ENPEP: variants seen among roughly 807,000 people sequenced by gnomAD.
The protein encoded by ENPEP is glutamyl aminopeptidase, also known as AP-A.
A neutral mutation model predicts 114.5 loss-of-function variants in ENPEP; 103 were observed. That is an observed-to-expected ratio of 0.90 (90% CI 0.77 to 1.06). The LOEUF (loss-of-function observed/expected upper bound fraction) is 1.06. Ranked by LOEUF, ENPEP falls within the 50% of genes least tolerant of loss-of-function variation. ENPEP has a pLI of 0.00. For synonymous variants in ENPEP, 420 were observed against 422.0 expected (o/e 1.00, Z 0.06); for missense variants, 1,196 against 1,161.3 (o/e 1.03, Z -0.43).
In ENPEP at chr4:110,553,377, G is replaced by A. The variant is rs1437266122; in HGVS notation, c.2564G>A (p.Arg855Gln). The A allele has an allele frequency of 7.4e-6, 12 of 1,611,296 alleles. No homozygotes were observed. The highest frequency in any genetic ancestry group is 5.0e-5 in the Admixed American group (3 of 59,942). ...IKTQDVFTVI[R>Q]YISYNSYGKN... is the part of the protein sequence containing the mutation. ...ACTCAGGATGTGTTTACAGTCATTC[G>A]ATATATCTCATATAACAGCTATGGG... Residue 855 changes from arginine (R) to glutamine (Q), a missense_variant, in exon 18 of 20, where the codon CGA becomes CAA. Arg to Gln is a conservative substitution (Grantham distance 43). Transcript: ENST00000265162.
At chr4:110,547,362 A>G (rs933967712) in intron 13 of ENPEP, among the ~76,000 whole-genome samples, 1 of 152,106 alleles carries the variant, frequency 6.6e-6, no homozygotes, top group Non-Finnish European at 1.5e-5. Context: ...CTGTTTGTCT[A>G]TGGACTTAAA....
At chr4:110,509,484 T>A (rs951514564) in intron 4 of ENPEP, among the ~76,000 whole-genome samples, 169 bp from the exon 5 acceptor site, 1 of 152,264 alleles carries the variant, frequency 6.6e-6, no homozygotes, top group African/African-American at 2.4e-5. Context: ...TATGGAAACT[T>A]TGAGTGCATT....
chr4:110,545,158 C>T (rs1252462197), intron 13 of ENPEP, among the ~76,000 whole-genome samples: 1 of 151,924 alleles, frequency 6.6e-6, no homozygotes, highest in Non-Finnish European at 1.5e-5. Flanking sequence ...GCAACTGTGG[C>T]AGGATTAGAA....
At chr4:110,488,454 T>A in intron 1 of ENPEP, 87 bp from the exon 2 acceptor site, 2 of 1,403,892 alleles carry the variant, frequency 1.4e-6, no homozygotes, top group Non-Finnish European at 1.9e-6. Context: ...ATTGCATAGC[T>A]GATTTTTTTT....
intron 18 of ENPEP, among the ~76,000 whole-genome samples, chr4:110,555,400 T>A (rs1203186687): frequency 6.6e-6 from 1 of 152,066 alleles, no homozygotes; most frequent in African/African-American, 2.4e-5. Context: ...TGAATAGTTT[T>A]ACTATCTCCA....
intron 13 of ENPEP, among the ~76,000 whole-genome samples, 157 bp from the exon 14 acceptor site, chr4:110,548,019 A>G (rs1727131032): frequency 6.6e-6 from 1 of 152,060 alleles, no homozygotes; most frequent in Admixed American, 6.6e-5. Context: ...TTGGGCTTCA[A>G]CCAATAAATG....
chr4:110,483,027 T>G (rs1289043591), intron 1 of ENPEP, among the ~76,000 whole-genome samples: 1 of 152,078 alleles, frequency 6.6e-6, no homozygotes, highest in South Asian at 2.1e-4. Context: ...AAAAAAAGAA[T>G]ACATTTTCTT....
chr4:110,520,206 C>A lies in ENPEP; in HGVS notation c.1576-9C>A. 1 of 1,611,572 alleles carries A rather than the reference C, an allele frequency of 6.2e-7. No individual in the cohort carries two copies. The highest frequency in any genetic ancestry group is 1.1e-5 in the South Asian group (1 of 90,786). On this transcript the variant is annotated splice_polypyrimidine_tract_variant and intron_variant, in intron 9 of 19. Transcript: ENST00000265162. The stretch of plus-strand genomic sequence containing the variant: ...AATTAATTAATCTCCATTTTGTTTT[C>A]AATCTTAGGCAAGTAGGCTACCAGT...
In ENPEP at chr4:110,553,314, G is replaced by C; in HGVS notation, c.2502-1G>C. The C allele has an allele frequency of 1.9e-6, 3 of 1,575,326 alleles. No individual in the cohort carries two copies. The South Asian group carries it at 3.5e-5, about 19-fold the overall frequency. ...TTGTTTTTCTGTTTGGCTTCTCTTA[G>C]GTATTTGGATTTGCTCAAGGACACG... On this transcript the variant is annotated splice_acceptor_variant, in intron 17 of 19. Transcript: ENST00000265162. LOFTEE classifies it high-confidence loss of function.
At chr4:110,557,582 A>G (rs1435866861) in intron 18 of ENPEP, among the ~76,000 whole-genome samples, 1 of 152,202 alleles carries the variant, frequency 6.6e-6, no homozygotes, top group Non-Finnish European at 1.5e-5. Flanking sequence ...CATTCTCTTA[A>G]GTGAGAATGA....
chr4:110,515,443 G>C lies in ENPEP; in HGVS notation c.1509+1G>C. ...AGAGAATTTTCAAAAAGGATGTCAG[G>C]TATGATTTATTACTTTTAGTGATAT... is the stretch of plus-strand genomic sequence containing the variant. On this transcript the variant is annotated splice_donor_variant, in intron 8 of 19. Transcript: ENST00000265162. LOFTEE classifies it high-confidence loss of function. 1 of 1,592,026 alleles carries C rather than the reference G, an allele frequency of 6.3e-7. No individual in the cohort carries two copies. Among genetic ancestry groups the C allele is most frequent in the Non-Finnish European group, 8.5e-7 (1 of 1,172,732 alleles).
chr4:110,517,005 G>A (rs556191798), intron 8 of ENPEP, among the ~76,000 whole-genome samples: 23 of 152,040 alleles, frequency 1.5e-4, no homozygotes, highest in Non-Finnish European at 3.1e-4. Flanking sequence ...GTGCAGTGGC[G>A]TGATCTTGGC....
At chr4:110,498,460 AAT>A (rs908484541) in intron 3 of ENPEP, among the ~76,000 whole-genome samples, 2 of 152,100 alleles carry the variant, frequency 1.3e-5, no homozygotes, top group South Asian at 4.2e-4. Context: ...ATCATCTATA[AAT>A]ATATATATAA....
intron 1 of ENPEP, among the ~76,000 whole-genome samples, chr4:110,480,266 T>C (rs560993301): frequency 6.6e-5 from 10 of 152,362 alleles, no homozygotes; most frequent in African/African-American, 2.4e-4. Flanking sequence ...CTAAATGGAA[T>C]ACTTTTTGTT....
At chr4:110,561,285 A>AC in intron 19 of ENPEP, 121 bp from the exon 20 acceptor site, 1 of 986,650 alleles carries the variant, frequency 1.0e-6, no homozygotes, top group Admixed American at 2.3e-5. Flanking sequence ...GTGTAGCTCA[A>AC]CGTTGTGCAG....
rs148389492 is a variant in ENPEP at position 110,527,220 on chromosome 4, C to T, written c.1728-3978C>T. On this transcript the variant is annotated intron_variant, in intron 10 of 19. Transcript: ENST00000265162. ...TATTAAATTAGCTGCTTCCAAGATG[C>T]CAGTTGACACCTGAACTGGAGAAGC... 9.5e-4 allele frequency among the ~76,000 whole-genome samples: 145 copies of T among 152,262 alleles called. 3 individuals are homozygous for T. In the East Asian group the frequency reaches 0.025, roughly 27 times the overall value.
At chr4:110,551,322 CA>C (rs1158671025) in intron 17 of ENPEP, among the ~76,000 whole-genome samples, 1 of 151,988 alleles carries the variant, frequency 6.6e-6, no homozygotes, top group Non-Finnish European at 1.5e-5. Flanking sequence ...ACATTCCCTC[CA>C]AAGGAAAAGA....
At chr4:110,541,357 C>T (rs1423316470) in intron 11 of ENPEP, among the ~76,000 whole-genome samples, 1 of 152,066 alleles carries the variant, frequency 6.6e-6, no homozygotes, top group Admixed American at 6.6e-5. Flanking sequence ...CTGGCAGCAC[C>T]ATTATTCATC....
At chr4:110,488,920 T>G (rs541642366) in intron 2 of ENPEP, among the ~76,000 whole-genome samples, 2 of 152,206 alleles carry the variant, frequency 1.3e-5, no homozygotes, top group African/African-American at 2.4e-5. Flanking sequence ...GACAATGCCA[T>G]AGACACACAC....
Sources: allele counts gnomAD v4.1 joint callset (sites outside exome capture counted in the v4.1 genomes callset), GRCh38; gene constraint gnomAD v4.1.1; transcripts MANE v1.5; gene names NCBI Gene and HGNC (gene_info 2026-07-23, HGNC 2026-07-21).